Variants in ATXN7 observed in about 807,000 individuals in gnomAD.
The protein encoded by ATXN7 is ataxin-7.
ATXN7 carries 12 observed loss-of-function variants against 70.5 expected under a neutral mutation model. The ratio of observed to expected loss-of-function variants is 0.17; its 90% confidence interval spans 0.11 to 0.28. ATXN7 has a LOEUF of 0.28. Ranked by LOEUF, ATXN7 falls within the 10% of genes least tolerant of loss-of-function variation. ATXN7 has a pLI of 1.00. For synonymous variants in ATXN7, 498 were observed against 448.7 expected, an observed-to-expected ratio of 1.11 and a Z score of -1.39; for missense variants, 1,256 against 1,131.7, an observed-to-expected ratio of 1.11 and a Z score of -1.58.
chr3:63,986,173 C>T (rs1466513893), intron 8 of ATXN7, among the ~76,000 whole-genome samples: 2 of 152,108 alleles, frequency 1.3e-5, no homozygotes, highest in African/African-American at 4.8e-5. Flanking sequence ...TTCCTTAGAA[C>T]CTTAAAGCCA....
At chr3:63,936,095 C>A (rs1000276661) in intron 4 of ATXN7, among the ~76,000 whole-genome samples, 1 of 152,196 alleles carries the variant, frequency 6.6e-6, no homozygotes, top group African/African-American at 2.4e-5. Flanking sequence ...AGGTTTTGCT[C>A]ACTACCATAT....
chr3:63,901,616 G>A (rs1003458121), intron 2 of ATXN7: 3 of 152,096 alleles, frequency 2.0e-5, no homozygotes, highest in Non-Finnish European at 4.4e-5. Flanking sequence ...ATAGAGATAG[G>A]GGTCTCGCTA....
intron 1 of ATXN7, among the ~76,000 whole-genome samples, chr3:63,868,854 C>A (rs933311585): frequency 3.9e-5 from 6 of 152,098 alleles, no homozygotes; most frequent in African/African-American, 1.2e-4. Flanking sequence ...CACAGGTAAC[C>A]CAGGGACTTC....
At chr3:63,994,125 T>A (rs928200660) in intron 11 of ATXN7, among the ~76,000 whole-genome samples, 1 of 152,206 alleles carries the variant, frequency 6.6e-6, no homozygotes, top group Admixed American at 6.5e-5. Flanking sequence ...GTAATCGTTA[T>A]GGATGTGGCT....
chr3:63,984,284 C>T lies in ATXN7; in HGVS notation c.1095+1263C>T, dbSNP rs151252119. On this transcript the variant is annotated intron_variant, in intron 8 of 12. Coordinates refer to ENST00000674280, the MANE Select transcript of ATXN7 (RefSeq NM_001377405.1). ...ACATACACATTCTGAATTTTTCTAT[C>T]TTGGATTAATGGACACCCCCACCCC... Among the ~76,000 whole-genome samples, 87 of 151,742 alleles carry T rather than the reference C, an allele frequency of 5.7e-4. No homozygotes were observed. In the East Asian group the frequency reaches 0.015, roughly 27 times the overall value.
In ATXN7 at chr3:64,000,681, C is replaced by T. The variant is rs935585063; in HGVS notation, c.*1214C>T. 6.6e-6 allele frequency: 1 copy of T among 152,092 alleles called. No homozygotes were observed. Among genetic ancestry groups the T allele is most frequent in the Non-Finnish European group, 1.5e-5 (1 of 68,046 alleles). 9.4% of individuals were successfully genotyped at this position (152,092 alleles called of 1,614,324 possible). A position where few individuals can be genotyped will look rare whatever the true frequency, so the allele number is the denominator to read the frequency against. On this transcript the variant is annotated 3_prime_UTR_variant, in exon 13 of 13. Coordinates refer to ENST00000674280, the MANE Select transcript of ATXN7 (RefSeq NM_001377405.1). ...GAGTTGGAGAGAATGTAAGTCCTGA[C>T]CTGAAGGTCTTTTGTGATGCATGTA...
chr3:63,912,854 A>G lies in ATXN7; in HGVS notation c.256A>G (p.Ser86Gly). 1 of 1,612,768 alleles carries G rather than the reference A, an allele frequency of 6.2e-7. No homozygotes were observed. The highest frequency in any genetic ancestry group is 8.5e-7 in the Non-Finnish European group (1 of 1,179,432). The change falls in exon 3 of 13, where the codon AGT (serine) becomes GGT (glycine). Residue 86 changes from serine to glycine, a missense_variant. Physicochemically the swap from Ser to Gly is moderately conservative, Grantham distance 56. Transcript: ENST00000674280. ...ATVGERRPLP[S>G]PEVMLGQSWN... ...GGTCGGGGAGCGCAGGCCTCTGCCC[A>G]GTCCTGAAGTGATGCTGGGACAGTC...
At chr3:63,901,245 C>A (rs963118098) in intron 2 of ATXN7, 4 of 152,170 alleles carry the variant, frequency 2.6e-5, no homozygotes, top group Non-Finnish European at 5.9e-5. Context: ...GTAGGCATTA[C>A]TTCTCATACT....
chr3:63,886,905 G>A (rs1471492212), intron 1 of ATXN7, among the ~76,000 whole-genome samples: 1 of 152,126 alleles, frequency 6.6e-6, no homozygotes, highest in African/African-American at 2.4e-5. Context: ...TCCTCCTGTG[G>A]AATTTCCTAC....
intron 4 of ATXN7, among the ~76,000 whole-genome samples, chr3:63,925,867 G>A (rs1704696731): frequency 6.6e-6 from 1 of 152,148 alleles, no homozygotes; most frequent in Non-Finnish European, 1.5e-5. Context: ...TCAGTGTGTG[G>A]GAGCCTGGAA....
At chr3:63,917,840 T>G (rs541811962) in intron 4 of ATXN7, among the ~76,000 whole-genome samples, 13 of 152,212 alleles carry the variant, frequency 8.5e-5, no homozygotes, top group Non-Finnish European at 1.6e-4. Context: ...AAATGACCAA[T>G]TTTTCATTGT....
intron 2 of ATXN7, chr3:63,911,701 G>C (rs1391344334): frequency 2.0e-5 from 3 of 152,306 alleles, no homozygotes; most frequent in African/African-American, 2.4e-5. Flanking sequence ...CAGGCGCACA[G>C]TGTGACTTCC....
At chr3:63,898,566 G>C (rs1444127958) in intron 2 of ATXN7, 69 bp downstream of exon 2, 1 of 152,192 alleles carries the variant, frequency 6.6e-6, no homozygotes, top group Non-Finnish European at 1.5e-5. Context: ...AATAGAGTTT[G>C]AGTTTTACCA....
rs2075500828 is a variant in ATXN7, at chr3:63,982,241, C to G, written c.808C>G (p.Leu270Val). ...TCATCCGAAAATGGATGGCACACTA[C>G]TGAAATCTGCGGTGGGGCCAACCTG... ...KIHPKMDGTL[L>V]KSAVGPTCPA... is the part of the protein sequence containing the mutation. The change falls in exon 7 of 13, where the codon CTG becomes GTG. Residue 270 changes from leucine to valine, a missense_variant. Physicochemically the swap from Leu to Val is conservative, Grantham distance 32 (BLOSUM62 1). Coordinates refer to ENST00000674280, the MANE Select transcript of ATXN7 (RefSeq NM_001377405.1). The G allele has an allele frequency of 6.2e-7, 1 of 1,614,166 alleles. No homozygotes were observed. The highest frequency in any genetic ancestry group is 1.6e-4 in the Middle Eastern group (1 of 6,062).
chr3:63,997,702 C>T, intron 12 of ATXN7: 3 of 1,551,412 alleles, frequency 1.9e-6, no homozygotes, highest in Non-Finnish European at 2.6e-6. Context: ...GGCTCTTTTT[C>T]ATGATTTTTT....
chr3:63,900,323 A>C (rs1559624505), intron 2 of ATXN7, among the ~76,000 whole-genome samples: 1 of 152,226 alleles, frequency 6.6e-6, no homozygotes, highest in Non-Finnish European at 1.5e-5. Flanking sequence ...ATTTCAGACA[A>C]CACGTAAAAG....
At chr3:63,950,204 ACAT>A (rs2074931836) in intron 4 of ATXN7, among the ~76,000 whole-genome samples, 1 of 152,240 alleles carries the variant, frequency 6.6e-6, no homozygotes, top group Non-Finnish European at 1.5e-5. Context: ...TACATGATAA[ACAT>A]CATGTGACAA....
chr3:63,999,698 C>T lies in ATXN7; in HGVS notation c.*231C>T, dbSNP rs952731553. On this transcript the variant is annotated 3_prime_UTR_variant, in exon 13 of 13. Coordinates refer to ENST00000674280, the MANE Select transcript of ATXN7 (RefSeq NM_001377405.1). ...TGGATCAAGTTCAGCCACCGAATTG[C>T]TTTTATCAGTGTTAAAGTGGTCTGA... 1 of 734,236 alleles carries T rather than the reference C, an allele frequency of 1.4e-6. No homozygotes were observed. Among genetic ancestry groups the T allele is most frequent in the Admixed American group, 2.4e-5 (1 of 42,002 alleles). 45.5% of individuals were successfully genotyped at this position (734,236 alleles called of 1,614,324 possible).
intron 12 of ATXN7, chr3:63,998,204 G>GGA: frequency 1.0e-6 from 1 of 964,698 alleles, no homozygotes; most frequent in African/African-American, 1.9e-5. Flanking sequence ...GACAGAAGGG[G>GGA]GGGGGGCCAG....
Sources: allele counts gnomAD v4.1 joint callset (sites outside exome capture counted in the v4.1 genomes callset), GRCh38; gene constraint gnomAD v4.1.1; transcripts MANE v1.5; gene names NCBI Gene and HGNC (gene_info 2026-07-23, HGNC 2026-07-21).